Variants in DTD1 observed in about 807,000 individuals in gnomAD.
DTD1 encodes D-aminoacyl-tRNA deacylase 1, also known as D-tyrosyl-tRNA deacylase 1 homolog.
A neutral mutation model predicts 25.6 loss-of-function variants in DTD1; 13 were observed. The observed-to-expected ratio is 0.51, with a 90% CI of 0.33 to 0.81. The LOEUF (loss-of-function observed/expected upper bound fraction) is 0.81. DTD1 is among the 30% of genes least tolerant of loss of function. DTD1 has a pLI of 0.02. For synonymous variants in DTD1, 110 were observed against 103.6 expected (o/e 1.06, Z -0.37); for missense variants, 193 against 266.4 (o/e 0.72, Z 1.92).
At chr20:18,684,783 A>G (rs2061010320) in intron 4 of DTD1, among the ~76,000 whole-genome samples, 2 of 152,236 alleles carry the variant, frequency 1.3e-5, no homozygotes, top group Admixed American at 1.3e-4. Flanking sequence ...TCTTGTTATA[A>G]GAATGACAGT....
intron 4 of DTD1, among the ~76,000 whole-genome samples, chr20:18,667,233 A>G (rs2060934812): frequency 6.6e-6 from 1 of 152,222 alleles, no homozygotes; most frequent in South Asian, 2.1e-4. Flanking sequence ...TAAAGCAGCC[A>G]TTCTGCACCA....
intron 5 of DTD1, among the ~76,000 whole-genome samples, chr20:18,757,826 G>C (rs1414817635): frequency 6.6e-6 from 1 of 152,164 alleles, no homozygotes; most frequent in African/African-American, 2.4e-5. Context: ...CTATTGATTG[G>C]AATAGTTTCA....
intron 4 of DTD1, among the ~76,000 whole-genome samples, chr20:18,635,444 G>GGAGGTTTTTCCC (rs1293411034): frequency 6.6e-6 from 1 of 152,184 alleles, no homozygotes; most frequent in Non-Finnish European, 1.5e-5. Context: ...GGAATCACCT[G>GGAGGTTTTTCCC]GATTTCTGAT....
intron 4 of DTD1, among the ~76,000 whole-genome samples, chr20:18,651,069 A>T (rs1046141989): frequency 5.9e-5 from 9 of 152,196 alleles, no homozygotes; most frequent in Non-Finnish European, 1.3e-4. Context: ...TGAGAATATA[A>T]TAAAGGATAC....
At chr20:18,633,666 A>G (rs1352634283) in intron 4 of DTD1, among the ~76,000 whole-genome samples, 1 of 152,126 alleles carries the variant, frequency 6.6e-6, no homozygotes, top group African/African-American at 2.4e-5. Flanking sequence ...AGGGGACCGG[A>G]GGTTTTAGCT....
chr20:18,731,501 G>A (rs1051844405), intron 4 of DTD1, among the ~76,000 whole-genome samples: 2 of 152,150 alleles, frequency 1.3e-5, no homozygotes, highest in African/African-American at 4.8e-5. Flanking sequence ...AACACTCTCT[G>A]CCTGTTCTCC....
At chr20:18,640,648 T>A (rs1452746122) in intron 4 of DTD1, among the ~76,000 whole-genome samples, 1 of 144,470 alleles carries the variant, frequency 6.9e-6, no homozygotes, top group Non-Finnish European at 1.5e-5. Context: ...TTTTTTTTTT[T>A]AAGACGGAGT....
At chr20:18,615,173 C>G (rs932400587) in intron 3 of DTD1, among the ~76,000 whole-genome samples, 1 of 151,948 alleles carries the variant, frequency 6.6e-6, no homozygotes, top group Non-Finnish European at 1.5e-5. Context: ...ACAGCCTACC[C>G]CGATTCAAGG....
At chr20:18,667,346 G>A (rs1281363090) in intron 4 of DTD1, among the ~76,000 whole-genome samples, 1 of 152,212 alleles carries the variant, frequency 6.6e-6, no homozygotes, top group African/African-American at 2.4e-5. Context: ...GGACTGCAGA[G>A]TTCAAAGATG....
At chr20:18,670,982 G>A (rs891623752) in intron 4 of DTD1, among the ~76,000 whole-genome samples, 2 of 152,212 alleles carry the variant, frequency 1.3e-5, no homozygotes, top group African/African-American at 4.8e-5. Context: ...ATTCTTGGGT[G>A]TGGTTGTGGA....
intron 4 of DTD1, chr20:18,674,283 G>A (rs1226135301): frequency 6.6e-6 from 1 of 152,164 alleles, no homozygotes; most frequent in East Asian, 1.9e-4. Context: ...TAAAAAGCAG[G>A]AGAAGAGGTA....
At chr20:18,704,773 C>T (rs1226119818) in intron 4 of DTD1, among the ~76,000 whole-genome samples, 2 of 151,988 alleles carry the variant, frequency 1.3e-5, no homozygotes, top group African/African-American at 4.8e-5. Flanking sequence ...TATCCAGCTC[C>T]GAATGTCAGT....
At chr20:18,620,869 A>G (rs1259510987) in intron 3 of DTD1, among the ~76,000 whole-genome samples, 1 of 152,198 alleles carries the variant, frequency 6.6e-6, no homozygotes, top group African/African-American at 2.4e-5. Context: ...ACCTGGAACT[A>G]TAGGTGCATA....
chr20:18,721,940 CAGTCTCTT>C (rs1178274859), intron 4 of DTD1, among the ~76,000 whole-genome samples: 1 of 152,142 alleles, frequency 6.6e-6, no homozygotes, highest in Non-Finnish European at 1.5e-5. Context: ...TGAGAGACAT[CAGTCTCTT>C]CAGGCCGCTC....
At chr20:18,687,156 G>A (rs2061020291) in intron 4 of DTD1, among the ~76,000 whole-genome samples, 1 of 152,204 alleles carries the variant, frequency 6.6e-6, no homozygotes, top group South Asian at 2.1e-4. Context: ...GGAACCATTT[G>A]AGTCAAGACC....
At chr20:18,736,197 T>C in intron 4 of DTD1, among the ~76,000 whole-genome samples, 1 of 152,134 alleles carries the variant, frequency 6.6e-6, no homozygotes, top group East Asian at 1.9e-4. Context: ...GAGAGAGATA[T>C]GGGGGTGATG....
intron 5 of DTD1, among the ~76,000 whole-genome samples, chr20:18,751,064 CGTGTGTGT>C (rs144204072): frequency 6.7e-6 from 1 of 150,290 alleles, no homozygotes; most frequent in Non-Finnish European, 1.5e-5. Flanking sequence ...CTACAGCAGC[CGTGTGTGT>C]GTGTGTGTGT....
In DTD1 at chr20:18,627,862, C is replaced by T. The variant is rs574623192; in HGVS notation, c.371-265C>T. On this transcript the variant is annotated intron_variant, in intron 3 of 5. Transcript: ENST00000377452. ...TCACGAGATCTGATGGTTTTAAAAA[C>T]GGGAGTTTCCCTGCACAAGCTCTCT... 7.2e-5 allele frequency among the ~76,000 whole-genome samples: 11 copies of T among 152,224 alleles called. No individual in the cohort carries two copies. In the South Asian group the frequency reaches 8.3e-4, roughly 11 times the overall value.
At chr20:18,615,824 G>A (rs912289193) in intron 3 of DTD1, among the ~76,000 whole-genome samples, 5 of 152,200 alleles carry the variant, frequency 3.3e-5, no homozygotes, top group African/African-American at 1.2e-4. Flanking sequence ...GACCGCTTCT[G>A]CTCTGTGTAC....
Sources: gnomAD v4.1 joint callset for allele counts (sites outside exome capture counted in the v4.1 genomes callset) on GRCh38, gnomAD v4.1.1 for gene constraint, MANE v1.5 for transcripts, NCBI Gene and HGNC (gene_info 2026-07-23, HGNC 2026-07-21) for gene names.